PTPRK: variants seen among roughly 807,000 people sequenced by gnomAD.
PTPRK encodes the protein receptor-type tyrosine-protein phosphatase kappa.
A neutral mutation model predicts 178.0 loss-of-function variants in PTPRK; 75 were observed. The ratio of observed to expected loss-of-function variants is 0.42; its 90% CI spans 0.35 to 0.51. The LOEUF (loss-of-function observed/expected upper bound fraction) is 0.51. PTPRK is among the 20% of genes least tolerant of loss of function. The pLI is 0.02. For synonymous variants in PTPRK, 637 were observed against 620.6 expected (o/e 1.03, Z -0.39); for missense variants, 1,441 against 1,797.8 (o/e 0.80, Z 3.59).
intron 1 of PTPRK, among the ~76,000 whole-genome samples, chr6:128,436,312 A>G (rs1374075462): frequency 6.6e-6 from 1 of 152,212 alleles, no homozygotes; most frequent in East Asian, 1.9e-4. Flanking sequence ...ATCCAACTGA[A>G]GGAAACTTTT....
At chr6:128,483,560 TAAGGTGAACAAGGGAAGG>T in intron 1 of PTPRK, among the ~76,000 whole-genome samples, 1 of 152,156 alleles carries the variant, frequency 6.6e-6, no homozygotes, top group Non-Finnish European at 1.5e-5. Flanking sequence ...ATGTATTAAT[TAAGGTGAACAAGGGAAGG>T]TCCAAAACAT....
intron 1 of PTPRK, among the ~76,000 whole-genome samples, chr6:128,444,485 A>T (rs1404688379): frequency 1.3e-5 from 2 of 152,112 alleles, no homozygotes; most frequent in Non-Finnish European, 2.9e-5. Flanking sequence ...TCCATGCTGT[A>T]TTCAGAAGTA....
At chr6:128,374,251 C>T (rs1490511354) in intron 2 of PTPRK, among the ~76,000 whole-genome samples, 1 of 152,120 alleles carries the variant, frequency 6.6e-6, no homozygotes, top group Non-Finnish European at 1.5e-5. Context: ...TGGAGTAATG[C>T]ATGTGTCGGT....
At chr6:128,277,336 G>C (rs1820877986) in intron 3 of PTPRK, among the ~76,000 whole-genome samples, 1 of 152,102 alleles carries the variant, frequency 6.6e-6, no homozygotes. Flanking sequence ...TGTACAAGTA[G>C]TTATCAATTC....
intron 1 of PTPRK, among the ~76,000 whole-genome samples, chr6:128,472,934 A>G (rs1850892101): frequency 6.6e-6 from 1 of 152,122 alleles, no homozygotes; most frequent in Non-Finnish European, 1.5e-5. Flanking sequence ...TAGTTGTTGC[A>G]TGAGACAACA....
rs146369567 is a variant in PTPRK at position 128,425,916 on chromosome 6, G to A, written c.101-28228C>T. Reference sequence around the variant, plus strand: ...TCTATGTATTTTGCTTAAAAAGAGGGTTTCATAATTAAATAAACTAGCATA... The same window carrying A: ...TCTATGTATTTTGCTTAAAAAGAGGATTTCATAATTAAATAAACTAGCATA... On this transcript the variant is annotated intron_variant, in intron 1 of 29. Transcript: ENST00000368226. Among the ~76,000 whole-genome samples, 776 of 152,226 alleles carry A rather than the reference G, an allele frequency of 5.1e-3. 4 individuals carry two copies. The highest frequency in any genetic ancestry group is 0.01 in the Middle Eastern group (3 of 294).
intron 1 of PTPRK, among the ~76,000 whole-genome samples, chr6:128,492,316 T>C (rs1211379692): frequency 1.3e-5 from 2 of 152,192 alleles, no homozygotes; most frequent in Non-Finnish European, 2.9e-5. Context: ...ACTGAGTAGT[T>C]TGCCTCTTCA....
intron 6 of PTPRK, among the ~76,000 whole-genome samples, chr6:128,209,790 G>C (rs1203755973): frequency 6.6e-6 from 1 of 152,072 alleles, no homozygotes; most frequent in African/African-American, 2.4e-5. Flanking sequence ...AAGACCCTAA[G>C]GCATGAGAGA....
At chr6:128,109,611 A>C (rs945339385) in intron 7 of PTPRK, among the ~76,000 whole-genome samples, 1 of 152,184 alleles carries the variant, frequency 6.6e-6, no homozygotes, top group African/African-American at 2.4e-5. Context: ...AGCACAACTT[A>C]AATACTTGAA....
intron 3 of PTPRK, among the ~76,000 whole-genome samples, chr6:128,264,493 T>C (rs1818655328): frequency 1.3e-5 from 2 of 152,044 alleles, no homozygotes; most frequent in Non-Finnish European, 2.9e-5. Context: ...AATTTTATTA[T>C]TTTTTTAGAG....
chr6:128,036,740 C>CT (rs71543131), intron 13 of PTPRK, among the ~76,000 whole-genome samples: 35,938 of 145,840 alleles, frequency 0.25, 6,025 homozygotes, highest in African/African-American at 0.49. Flanking sequence ...CTCCTCCCTC[C>CT]TTTTTTTTTT....
At chr6:128,465,146 G>A (rs539410138) in intron 1 of PTPRK, among the ~76,000 whole-genome samples, 8 of 151,798 alleles carry the variant, frequency 5.3e-5, no homozygotes, top group East Asian at 1.9e-4. Context: ...TGAAATGAAC[G>A]TGGGACCCAG....
Position 127,990,765 on chromosome 6 carries a change from T to G in PTPRK, c.3096+4A>C. 1 of 1,570,622 alleles carries G rather than the reference T, an allele frequency of 6.4e-7. No homozygotes were observed. Among genetic ancestry groups the G allele is most frequent in the Non-Finnish European group, 8.8e-7 (1 of 1,141,894 alleles). ...TTTTTAAAATAGAATTTTAGAGTAC[T>G]TACCCTTTCCAGGGTGAATGTCCTA... On this transcript the variant is annotated splice_donor_region_variant and intron_variant, in intron 21 of 29. Transcript: ENST00000368226.
intron 1 of PTPRK, among the ~76,000 whole-genome samples, chr6:128,505,725 TA>T: frequency 6.6e-6 from 1 of 152,278 alleles, no homozygotes; most frequent in East Asian, 1.9e-4. Flanking sequence ...AAGATAGTGT[TA>T]AAAAGTTGGA....
intron 7 of PTPRK, among the ~76,000 whole-genome samples, chr6:128,180,357 C>T (rs1408162924): frequency 2.7e-5 from 4 of 150,922 alleles, no homozygotes; most frequent in East Asian, 3.9e-4. Flanking sequence ...TTCTGAATTA[C>T]TTCCCTTTTA....
chr6:128,292,480 C>G (rs1333063442), intron 3 of PTPRK, among the ~76,000 whole-genome samples: 6 of 151,978 alleles, frequency 3.9e-5, no homozygotes, highest in African/African-American at 1.4e-4. Flanking sequence ...TAAATTAGAG[C>G]ATAATGTATT....
intron 1 of PTPRK, among the ~76,000 whole-genome samples, chr6:128,490,440 G>C (rs183965648): frequency 4.6e-5 from 7 of 152,272 alleles, no homozygotes; most frequent in Admixed American, 2.6e-4. Flanking sequence ...TTATACACTA[G>C]AACGCAGAGG....
chr6:128,062,413 T>C (rs1417357111), intron 13 of PTPRK: 1 of 41,180 alleles, frequency 2.4e-5, no homozygotes, highest in African/African-American at 4.4e-4. Flanking sequence ...GCTTTTCATA[T>C]GTGGAAAAAT....
At chr6:128,517,758 T>C (rs1858302672) in intron 1 of PTPRK, among the ~76,000 whole-genome samples, 1 of 152,224 alleles carries the variant, frequency 6.6e-6, no homozygotes, top group Non-Finnish European at 1.5e-5. Context: ...AACCACATGA[T>C]ATCGGAAAGT....
Sources: allele counts gnomAD v4.1 joint callset (sites outside exome capture counted in the v4.1 genomes callset), GRCh38; gene constraint gnomAD v4.1.1; transcripts MANE v1.5; gene names NCBI Gene and HGNC (gene_info 2026-07-23, HGNC 2026-07-21).